MCPH1: variants seen among roughly 807,000 people sequenced by gnomAD.
MCPH1 encodes microcephalin 1.
In MCPH1, 104 loss-of-function variants were observed where a neutral mutation model predicts 84.5. The ratio of observed to expected loss-of-function variants is 1.23; its 90% CI spans 1.05 to 1.45. The LOEUF (loss-of-function observed/expected upper bound fraction) is 1.45. MCPH1 is among the 40% of genes most tolerant of loss of function. The pLI is 0.00. For synonymous variants in MCPH1, 514 were observed against 366.8 expected, an observed-to-expected ratio of 1.40 and a Z score of -4.58; for missense variants, 1,498 against 1,005.7, an observed-to-expected ratio of 1.49 and a Z score of -6.62.
rs1280001704 is a variant in MCPH1, at chr8:6,646,528, G to A, written c.*3479G>A. ...TAGCAGCATATTCTTTTCAACAAAT[G>A]GTGCTGGCAGAAGAAAAAAAAAGTA... On this transcript the variant is annotated 3_prime_UTR_variant, in exon 14 of 14. Coordinates refer to ENST00000344683, the MANE Select transcript of MCPH1 (RefSeq NM_024596.5). The A allele has an allele frequency of 6.6e-6, 1 of 152,154 alleles. No individual in the cohort carries two copies. Among genetic ancestry groups the A allele is most frequent in the Non-Finnish European group, 1.5e-5 (1 of 68,022 alleles). The allele number at this position is 152,154 out of a possible 1,614,324, so 9.4% of individuals were successfully genotyped here.
intron 9 of MCPH1, among the ~76,000 whole-genome samples, chr8:6,468,730 G>T (rs983552725): frequency 6.6e-6 from 1 of 151,476 alleles, no homozygotes; most frequent in African/African-American, 2.4e-5. Context: ...GTGCTGTATG[G>T]ATCACTATTA....
rs560719284 is a variant in MCPH1 at position 6,547,354 on chromosome 8, C to G, written c.2214+47425C>G. On this transcript the variant is annotated intron_variant, in intron 12 of 13. Transcript: ENST00000344683. ...TCAGTTCTGGAGGTCCGCCCCCTCT[C>G]TTTAACCCTCTTGCCTTGCATATGT... is the stretch of plus-strand genomic sequence containing the variant. Among the ~76,000 whole-genome samples the G allele has an allele frequency of 1.1e-4, 17 of 152,220 alleles. No homozygotes were observed. In the East Asian group the frequency reaches 2.3e-3, roughly 21 times the overall value.
intron 4 of MCPH1, among the ~76,000 whole-genome samples, chr8:6,435,726 G>A (rs1279434192): frequency 6.6e-6 from 1 of 152,150 alleles, no homozygotes; most frequent in Non-Finnish European, 1.5e-5. Flanking sequence ...ACTAGATTGG[G>A]CTGGTTTGGT....
At position 6,625,388 on chromosome 8, in the gene MCPH1, T is replaced by C. The variant is rs964053235; in HGVS notation, c.2452+3697T>C. 6.1e-5 allele frequency: 60 copies of C among 985,324 alleles called. No homozygotes were observed. In the African/African-American group the frequency reaches 9.3e-4, roughly 15 times the overall value. 61.0% of individuals were successfully genotyped at this position (985,324 alleles called of 1,614,324 possible). ...CCTTCGACAAAGCACATTGTGTCTT[T>C]TGGAGACTTTTTTTCCTCCCGTTCA... On this transcript the variant is annotated intron_variant, in intron 13 of 13. Coordinates refer to ENST00000344683, the MANE Select transcript of MCPH1 (RefSeq NM_024596.5).
Position 6,458,714 on chromosome 8 carries a change from G to A in MCPH1, c.1935+3462G>A, listed in dbSNP as rs3020278. On this transcript the variant is annotated intron_variant, in intron 9 of 13. Transcript: ENST00000344683. ...GGCTAGAGTGTACTGGTGTTATCTC[G>A]GCTCACTGCAACCTCCGCCTCCTGA... Among the ~76,000 whole-genome samples the A allele has an allele frequency of 4.4e-3, 676 of 151,916 alleles. 4 individuals are homozygous for A. Among genetic ancestry groups the A allele is most frequent in the African/African-American group, 0.013 (540 of 41,426 alleles).
intron 13 of MCPH1, chr8:6,626,668 C>T (rs557599240): frequency 3.0e-6 from 3 of 984,894 alleles, no homozygotes; most frequent in Admixed American, 6.1e-5. Flanking sequence ...ACTCCCATGA[C>T]ATATAATTCC....
At chr8:6,416,892 A>G (rs906962086) in intron 3 of MCPH1, among the ~76,000 whole-genome samples, 3 of 151,912 alleles carry the variant, frequency 2.0e-5, no homozygotes, top group Non-Finnish European at 4.4e-5. Flanking sequence ...TACTCGGGAG[A>G]TTGAGACAGG....
chr8:6,454,951 G>A (rs1397678323), intron 8 of MCPH1, among the ~76,000 whole-genome samples, 192 bp from the exon 9 acceptor site: 1 of 152,200 alleles, frequency 6.6e-6, no homozygotes, highest in Non-Finnish European at 1.5e-5. Context: ...TGAATTAAGT[G>A]AATTGCTTGG....
At chr8:6,540,670 G>A (rs1429382779) in intron 12 of MCPH1, among the ~76,000 whole-genome samples, 1 of 152,274 alleles carries the variant, frequency 6.6e-6, no homozygotes, top group East Asian at 1.9e-4. Flanking sequence ...GCTTCTCAGT[G>A]TGTATGTGTG....
intron 11 of MCPH1, 33 bp downstream of exon 11, chr8:6,480,909 A>G (rs375046439): frequency 4.9e-5 from 79 of 1,610,760 alleles, no homozygotes; most frequent in African/African-American, 8.0e-5. Flanking sequence ...GTATTTTAAA[A>G]CAAGGCATTT....
At chr8:6,427,560 G>A (rs1413637556) in intron 3 of MCPH1, among the ~76,000 whole-genome samples, 1 of 151,674 alleles carries the variant, frequency 6.6e-6, no homozygotes, top group African/African-American at 2.4e-5. Flanking sequence ...TTTTATTTTT[G>A]TAGAGACGGC....
intron 12 of MCPH1, among the ~76,000 whole-genome samples, chr8:6,566,442 C>T (rs7833871): frequency 0.063 from 9,640 of 151,850 alleles, 358 homozygotes; most frequent in East Asian, 0.12. Context: ...CCGTGTGTGG[C>T]GAGCAAGGCT....
chr8:6,522,231 T>C (rs1469019758), intron 12 of MCPH1, among the ~76,000 whole-genome samples: 6 of 151,954 alleles, frequency 3.9e-5, no homozygotes, highest in Admixed American at 3.9e-4. Flanking sequence ...GGCGGGCGCC[T>C]GTAGTCACAG....
At chr8:6,470,504 C>T (rs565520180) in intron 9 of MCPH1, among the ~76,000 whole-genome samples, 67 of 152,150 alleles carry the variant, frequency 4.4e-4, no homozygotes, top group Non-Finnish European at 8.4e-4. Flanking sequence ...AGGCTAGTCT[C>T]GAACTCCTGA....
At chr8:6,524,527 G>A (rs985003100) in intron 12 of MCPH1, among the ~76,000 whole-genome samples, 5 of 152,152 alleles carry the variant, frequency 3.3e-5, no homozygotes, top group South Asian at 2.1e-4. Flanking sequence ...TGACATACAC[G>A]TTTCACTGAG....
In MCPH1 at chr8:6,630,798, A is replaced by C. The variant is rs538334262; in HGVS notation, c.2452+9107A>C. On this transcript the variant is annotated intron_variant, in intron 13 of 13. Transcript: ENST00000344683. Reference sequence around the variant, plus strand: ...CTCTGTCCTAAAAAAAAAAAACAAAAAAAAAAAACAATTATATATCAACAA... The same window carrying C: ...CTCTGTCCTAAAAAAAAAAAACAAACAAAAAAAACAATTATATATCAACAA... 4.3e-4 allele frequency among the ~76,000 whole-genome samples: 65 copies of C among 151,888 alleles called. 1 individual carries two copies. The highest frequency in any genetic ancestry group is 3.4e-3 in the Middle Eastern group (1 of 292).
At chr8:6,411,789 C>G (rs1238226538) in intron 2 of MCPH1, among the ~76,000 whole-genome samples, 2 of 152,120 alleles carry the variant, frequency 1.3e-5, no homozygotes, top group Non-Finnish European at 2.9e-5. Context: ...CTGTTCAGTA[C>G]TAGCTCAGGA....
chr8:6,623,139 C>T (rs1831647482), intron 13 of MCPH1, among the ~76,000 whole-genome samples: 1 of 151,718 alleles, frequency 6.6e-6, no homozygotes, highest in Admixed American at 6.6e-5. Flanking sequence ...AGGTGTGAGC[C>T]ACTGCACCCA....
At chr8:6,446,821 G>A (rs923397307) in intron 8 of MCPH1, 44 of 985,168 alleles carry the variant, frequency 4.5e-5, no homozygotes, top group African/African-American at 2.4e-4. Flanking sequence ...TAAAATCCCC[G>A]TGTTGCTGGG....
Sources: gnomAD v4.1 joint callset for allele counts (sites outside exome capture counted in the v4.1 genomes callset) on GRCh38, gnomAD v4.1.1 for gene constraint, MANE v1.5 for transcripts, NCBI Gene and HGNC (gene_info 2026-07-23, HGNC 2026-07-21) for gene names.